The following HSPG2 variants were observed in gnomAD, a reference collection of about 807,000 sequenced individuals.
The protein encoded by HSPG2 is basement membrane-specific heparan sulfate proteoglycan core protein.
Under a neutral mutation model 526.6 loss-of-function variants are expected in HSPG2, and 278 were observed. The observed-to-expected ratio is 0.53, with a 90% CI of 0.48 to 0.58. The LOEUF is 0.58. Among genes scored for constraint, HSPG2 ranks in the 20% least tolerant of loss-of-function variants. The pLI, the probability that HSPG2 is intolerant of heterozygous loss-of-function variation, is 0.00. For missense variants in HSPG2, 5,354 were observed against 6,099.5 expected (o/e 0.88, Z 4.07); for synonymous variants, 2,465 against 2,555.4 (o/e 0.96, Z 1.07).
At chr1:21,924,289 A>G (rs1377358442) in intron 1 of HSPG2, among the ~76,000 whole-genome samples, 1 of 152,154 alleles carries the variant, frequency 6.6e-6, no homozygotes, top group Non-Finnish European at 1.5e-5. Context: ...CATGGTCCCT[A>G]CTCTCCGGAT....
rs371145826 is a variant in HSPG2, at chr1:21,864,201, C to T, written c.4639G>A (p.Gly1547Ser). Residue 1547 changes from glycine to serine, a missense_variant, in exon 37 of 97, where the codon GGC becomes AGC. Gly to Ser is a moderately conservative substitution (Grantham distance 56, BLOSUM62 0). Coordinates refer to ENST00000374695, the MANE Select transcript of HSPG2 (RefSeq NM_005529.7). This position sits in a 1 kb window ranked among gnomAD's most constrained non-coding sequence, Gnocchi z 4.8. Reference sequence around the variant, plus strand: ...AGCCCACTCCCGGTGCGCGTGTAGCCGGGGGCACAGTCCTAGGGGCAGAGA... The same window carrying T: ...AGCCCACTCCCGGTGCGCGTGTAGCTGGGGGCACAGTCCTAGGGGCAGAGA... Reference protein sequence around the residue: ...IGLSCQDCAPGYTRTGSGLYL... With the variant: ...IGLSCQDCAPSYTRTGSGLYL... 56 of 1,552,070 alleles carry T rather than the reference C, an allele frequency of 3.6e-5. No individual in the cohort carries two copies. The highest frequency in any genetic ancestry group is 9.8e-5 in the Admixed American group (5 of 51,242).
intron 37 of HSPG2, 29 bp from the exon 38 acceptor site, chr1:21,862,144 G>A (rs1224018075): frequency 1.2e-6 from 2 of 1,608,882 alleles, no homozygotes. Flanking sequence ...GCAGGCACCA[G>A]CCATTAGGCC....
In HSPG2 at chr1:21,848,790, C is replaced by CGCA; in HGVS notation, c.7589_7590insTGC (p.Gln2530delinsHisAla). ...CGATGCGGACGGGGTACGCCACACC[C>CGCA]TGGGCTGGGAGGGTGAGATGTAAGG... On this transcript the variant is annotated protein_altering_variant, in exon 59 of 97. Transcript: ENST00000374695. The surrounding 1 kb of genome is among the most constrained non-coding windows in gnomAD (Gnocchi z 4.9). 6.2e-7 allele frequency: 1 copy of CGCA among 1,613,702 alleles called. No individual in the cohort carries two copies. Among genetic ancestry groups the CGCA allele is most frequent in the Non-Finnish European group, 8.5e-7 (1 of 1,179,992 alleles).
intron 1 of HSPG2, chr1:21,907,991 G>T: frequency 1.6e-6 from 1 of 628,858 alleles, no homozygotes; most frequent in Non-Finnish European, 3.0e-6. Flanking sequence ...TGTTGTGAGG[G>T]TTAAATACAG....
chr1:21,833,501 G>A lies in HSPG2; in HGVS notation c.10944C>T (p.Gly3648=). 4 of 1,614,228 alleles carry A rather than the reference G, an allele frequency of 2.5e-6. No homozygotes were observed. Among genetic ancestry groups the A allele is most frequent in the Non-Finnish European group, 3.4e-6 (4 of 1,180,032 alleles). The change falls in exon 79 of 97, where the codon GGC becomes GGT. Residue 3648 remains glycine, a synonymous_variant. Transcript: ENST00000374695. ...GCAGGTGGGCAAAGGCTTTGACCTT[G>A]CCCTGGCGGTTAGTGGCGGTGCAGA... The part of the protein sequence containing the change: ...TYVCTATNRQ[G]KVKAFAHLQV...
In HSPG2 at chr1:21,824,175, A is replaced by C. The variant is rs1405285943; in HGVS notation, c.12845T>G (p.Leu4282Arg). The C allele has an allele frequency of 1.2e-6, 2 of 1,613,730 alleles. No individual in the cohort carries two copies. The highest frequency in any genetic ancestry group is 2.2e-5 in the South Asian group (2 of 91,078). The change falls in exon 95 of 97, where the codon CTG (leucine) becomes CGG (arginine). Residue 4282 changes from leucine to arginine, a missense_variant. By Grantham distance (102) the Leu-to-Arg change is moderately radical. Coordinates refer to ENST00000374695, the MANE Select transcript of HSPG2 (RefSeq NM_005529.7). The surrounding 1 kb of genome is among the most constrained non-coding windows in gnomAD (Gnocchi z 5.9). ...GTCATTGATGGGGTCCTCAGAGACC[A>C]GGCGGGCCTCCCCACTACCCAGCTG... ...RYQLGSGEAR[L>R]VSEDPINDGE...
chr1:21,844,632 C>A (rs1638280135), intron 64 of HSPG2, among the ~76,000 whole-genome samples: 1 of 152,234 alleles, frequency 6.6e-6, no homozygotes, highest in Non-Finnish European at 1.5e-5. Context: ...AGAACCCAGA[C>A]TCTGGGGCCA....
At chr1:21,892,450 C>A (rs2152768649) in intron 3 of HSPG2, among the ~76,000 whole-genome samples, 1 of 152,382 alleles carries the variant, frequency 6.6e-6, no homozygotes, top group East Asian at 1.9e-4. Context: ...AGGGCACAGG[C>A]CCTTCAGCCT....
At position 21,880,657 on chromosome 1, in the gene HSPG2, T is replaced by C. The variant is rs764846270; in HGVS notation, c.1997A>G (p.Glu666Gly). The C allele has an allele frequency of 6.3e-7, 1 of 1,593,280 alleles. No individual in the cohort carries two copies. ...CCTAAGGGCTCAGGCGCCACCCACCTCAGAGAACTGGACCTGGCGCTGGTT... is the reference window on the plus strand; with the variant it reads ...CCTAAGGGCTCAGGCGCCACCCACCCCAGAGAACTGGACCTGGCGCTGGTT... The part of the protein sequence containing the change: ...ALNQRQVQFS[E>G]EHWVHESGRP... Residue 666 changes from glutamate to glycine, a missense_variant and splice_region_variant, in exon 15 of 97, where the codon GAG becomes GGG. Glu to Gly is a moderately conservative substitution (Grantham distance 98). Transcript: ENST00000374695.
intron 33 of HSPG2, among the ~76,000 whole-genome samples, chr1:21,866,495 T>C (rs1212241382): frequency 6.6e-6 from 1 of 152,192 alleles, no homozygotes; most frequent in Admixed American, 6.5e-5. Flanking sequence ...AAGTCCCTTC[T>C]GCAGTCAGAT....
In HSPG2 at chr1:21,854,929, C is replaced by T; in HGVS notation, c.6052G>A (p.Ala2018Thr). 1 of 1,614,084 alleles carries T rather than the reference C, an allele frequency of 6.2e-7. No individual in the cohort carries two copies. Among genetic ancestry groups the T allele is most frequent in the Non-Finnish European group, 8.5e-7 (1 of 1,180,024 alleles). ...ATLLIPAITTADAGFYLCVAT... is the reference protein window; with the variant it reads ...ATLLIPAITTTDAGFYLCVAT... ...ACGCAGAGGTAGAAGCCGGCGTCAG[C>T]AGTCGTGATGGCTGGGATGAGCAGT... Residue 2018 changes from alanine to threonine, a missense_variant, in exon 48 of 97, where the codon GCT becomes ACT. Transcript: ENST00000374695.
intron 56 of HSPG2, 66 bp from the exon 57 acceptor site, chr1:21,850,258 C>CA: frequency 1.2e-6 from 2 of 1,612,038 alleles, no homozygotes; most frequent in Non-Finnish European, 1.7e-6. Flanking sequence ...CTCCTGGTCT[C>CA]AAGGCAGGTG....
At chr1:21,919,603 A>G (rs1643976107) in intron 1 of HSPG2, among the ~76,000 whole-genome samples, 1 of 152,120 alleles carries the variant, frequency 6.6e-6, no homozygotes, top group African/African-American at 2.4e-5. Context: ...TCATCTCTCC[A>G]GGGGTGGTTT....
intron 1 of HSPG2, among the ~76,000 whole-genome samples, chr1:21,926,834 A>G (rs1003838211): frequency 1.3e-5 from 2 of 151,420 alleles, no homozygotes; most frequent in African/African-American, 4.9e-5. Context: ...GCTGGGATTT[A>G]TCAGGCCAGA....
Position 21,850,324 on chromosome 1 carries a change from C to A in HSPG2, c.7294+39G>T, listed in dbSNP as rs1247391699. ...GTTGCAAGAGTGGGGGGCCTCCCAC[C>A]CTGGGTCCCCAGCCCTGCCCTCCCT... On this transcript the variant is annotated intron_variant, in intron 56 of 96. Transcript: ENST00000374695. 8.1e-6 allele frequency: 13 copies of A among 1,603,084 alleles called. No individual in the cohort carries two copies. In the Admixed American group the frequency reaches 2.1e-4, roughly 26 times the overall value.
chr1:21,824,320 C>A lies in HSPG2; in HGVS notation c.12801G>T (p.Gly4267=), dbSNP rs79386413. 1.5e-3 allele frequency: 2,442 copies of A among 1,613,920 alleles called. 23 individuals are homozygous for A. The African/African-American group carries it at 0.027, about 18-fold the overall frequency. Residue 4267 remains glycine, a synonymous_variant, in exon 94 of 97, where the codon GGG becomes GGT. Transcript: ENST00000374695. This position sits in a 1 kb window ranked among gnomAD's most constrained non-coding sequence, Gnocchi z 5.9. ...CCAGGACCTACCTGAAGACAAGGTG[C>A]CCGTCTTGAAGCCCGAGGCTGATGA... ...KDFISLGLQD[G]HLVFRYQLGS...
rs1354701438 is a variant in HSPG2 at position 21,841,607 on chromosome 1, C to A, written c.9260G>T (p.Gly3087Val). ...TIVGTRPSNHGTYRCVASNAY... is the reference protein window; with the variant it reads ...TIVGTRPSNHVTYRCVASNAY... The stretch of plus-strand genomic sequence containing the variant: ...ATTGGAGGCCACGCAGCGGTAGGTA[C>A]CGTGGTTGCTGGGCCGGGTGCCCAC... Residue 3087 changes from glycine to valine, a missense_variant, in exon 70 of 97, where the codon GGT becomes GTT. Gly to Val is a moderately radical substitution (Grantham distance 109). Coordinates refer to ENST00000374695, the MANE Select transcript of HSPG2 (RefSeq NM_005529.7). The A allele has an allele frequency of 6.2e-7, 1 of 1,614,164 alleles. No homozygotes were observed. The highest frequency in any genetic ancestry group is 1.7e-5 in the Admixed American group (1 of 60,020).
chr1:21,884,780 G>T lies in HSPG2; in HGVS notation c.1494C>A (p.Leu498=), dbSNP rs187648591. The part of the protein sequence containing the change: ...VFGIPDGVLE[L]VPQRGPCPDG... ...CTCCGGCAGTACCTCGTTGTGGGAC[G>T]AGCTCAAGGACACCGTCAGGAATGC... Residue 498 remains leucine (L), a synonymous_variant, in exon 12 of 97, where the codon CTC becomes CTA. Transcript: ENST00000374695. 3.7e-6 allele frequency: 6 copies of T among 1,613,602 alleles called. No individual in the cohort carries two copies. The East Asian group carries it at 6.7e-5, about 18-fold the overall frequency.
chr1:21,846,137 G>A lies in HSPG2; in HGVS notation c.8435C>T (p.Ala2812Val). The change falls in exon 64 of 97, where the codon GCC becomes GTC. Residue 2812 changes from alanine to valine, a missense_variant. By Grantham distance (64) the Ala-to-Val change is moderately conservative. Coordinates refer to ENST00000374695, the MANE Select transcript of HSPG2 (RefSeq NM_005529.7). Reference protein sequence around the residue: ...LEASVLVTIEASGSSAVHVPA... With the variant: ...LEASVLVTIEVSGSSAVHVPA... The stretch of plus-strand genomic sequence containing the variant: ...GACGTGGACAGCACTTGAGCCAGAG[G>A]CTTCGATGGTGACCAGGACTGAGGC... 6.2e-7 allele frequency: 1 copy of A among 1,613,068 alleles called. No homozygotes were observed. The highest frequency in any genetic ancestry group is 1.1e-5 in the South Asian group (1 of 91,074).
Sources: gnomAD v4.1 joint callset for allele counts (sites outside exome capture counted in the v4.1 genomes callset) on GRCh38, gnomAD v4.1.1 for gene constraint, Gnocchi (gnomAD v3.1) non-coding constraint, MANE v1.5 for transcripts, NCBI Gene and HGNC (gene_info 2026-07-23, HGNC 2026-07-21) for gene names.